SIMC1: variants seen among roughly 807,000 people sequenced by gnomAD.
SIMC1 encodes the protein SUMO-interacting motif-containing protein 1.
A neutral mutation model predicts 82.3 loss-of-function variants in SIMC1; 55 were observed. The ratio of observed to expected loss-of-function variants is 0.67; its 90% CI spans 0.54 to 0.84. The LOEUF is 0.84. SIMC1 is among the 40% of genes least tolerant of loss of function. SIMC1 has a pLI of 0.00. For synonymous variants in SIMC1, 353 were observed against 426.3 expected, an observed-to-expected ratio of 0.83 and a Z score of 2.12; for missense variants, 915 against 1,107.2, an observed-to-expected ratio of 0.83 and a Z score of 2.46.
intron 9 of SIMC1, 134 bp from the exon 10 acceptor site, chr5:176,345,049 C>A: frequency 8.6e-7 from 1 of 1,156,630 alleles, no homozygotes; most frequent in Non-Finnish European, 1.2e-6. Flanking sequence ...TGCAGGCACT[C>A]ACACAGCCTT....
intron 1 of SIMC1, among the ~76,000 whole-genome samples, chr5:176,273,015 G>A (rs566773802): frequency 6.6e-6 from 1 of 152,338 alleles, no homozygotes; most frequent in East Asian, 1.9e-4. Context: ...GCAGGGCATA[G>A]CCGAACAAAA....
At chr5:176,302,770 A>G (rs749656838) in intron 4 of SIMC1, among the ~76,000 whole-genome samples, 2 of 152,236 alleles carry the variant, frequency 1.3e-5, no homozygotes, top group Admixed American at 6.5e-5. Flanking sequence ...CAACAATGAA[A>G]AATCTGAAAA....
chr5:176,251,788 C>G (rs868404067), intron 1 of SIMC1, among the ~76,000 whole-genome samples: 2 of 150,488 alleles, frequency 1.3e-5, no homozygotes, highest in Non-Finnish European at 3.0e-5. Context: ...TGACTCTTAA[C>G]GAGCATGCTG....
chr5:176,274,096 G>A (rs1762572663), intron 1 of SIMC1, among the ~76,000 whole-genome samples: 1 of 148,420 alleles, frequency 6.7e-6, no homozygotes, highest in African/African-American at 2.5e-5. Flanking sequence ...TTCCACAATG[G>A]TTGAACTAGT....
chr5:176,328,429 G>GGTGGCA (rs1344250181), intron 7 of SIMC1, among the ~76,000 whole-genome samples: 43 of 152,034 alleles, frequency 2.8e-4, no homozygotes, highest in Admixed American at 1.1e-3. Context: ...CGGTGGTAAT[G>GGTGGCA]GTGGCAGTGG....
At chr5:176,297,786 C>T (rs1763886653) in intron 4 of SIMC1, among the ~76,000 whole-genome samples, 1 of 152,080 alleles carries the variant, frequency 6.6e-6, no homozygotes, top group African/African-American at 2.4e-5. Flanking sequence ...TCCTCATACC[C>T]TGTTTCTTAG....
intron 1 of SIMC1, among the ~76,000 whole-genome samples, chr5:176,275,326 T>C (rs1762638987): frequency 6.6e-6 from 1 of 151,946 alleles, no homozygotes; most frequent in Admixed American, 6.6e-5. Context: ...TGATTTTGTA[T>C]CCTGAGACTT....
chr5:176,335,930 C>T (rs1765870859), intron 7 of SIMC1, among the ~76,000 whole-genome samples: 1 of 151,954 alleles, frequency 6.6e-6, no homozygotes, highest in South Asian at 2.1e-4. Flanking sequence ...GTAGTTCCAG[C>T]TACTTGGGAG....
At chr5:176,338,975 T>C (rs1377244179) in intron 9 of SIMC1, among the ~76,000 whole-genome samples, 1 of 152,162 alleles carries the variant, frequency 6.6e-6, no homozygotes, top group Non-Finnish European at 1.5e-5. Flanking sequence ...AAGTAATGTG[T>C]TTAATGTTCA....
At chr5:176,245,375 C>A (rs1761402878) in intron 1 of SIMC1, among the ~76,000 whole-genome samples, 2 of 152,142 alleles carry the variant, frequency 1.3e-5, no homozygotes, top group Non-Finnish European at 2.9e-5. Flanking sequence ...ACAGATTCTT[C>A]CCTGGAGCCT....
intron 1 of SIMC1, among the ~76,000 whole-genome samples, chr5:176,271,357 C>G (rs1253712506): frequency 6.6e-6 from 1 of 150,606 alleles, no homozygotes; most frequent in African/African-American, 2.4e-5. Flanking sequence ...AAGGCTCTGT[C>G]TCAAAAAAAA....
intron 9 of SIMC1, among the ~76,000 whole-genome samples, chr5:176,341,700 AAAG>A (rs1366533190): frequency 7.2e-5 from 11 of 152,212 alleles, no homozygotes; most frequent in Admixed American, 6.5e-4. Flanking sequence ...AAAGATCTGC[AAAG>A]AAGATGAAGA....
chr5:176,342,285 A>G (rs144968797), intron 9 of SIMC1, among the ~76,000 whole-genome samples: 25 of 152,308 alleles, frequency 1.6e-4, no homozygotes, highest in African/African-American at 5.8e-4. Context: ...CTCTAAGTCT[A>G]TAGATACCCT....
intron 9 of SIMC1, among the ~76,000 whole-genome samples, chr5:176,342,715 C>T (rs529788799): frequency 1.3e-5 from 2 of 152,326 alleles, no homozygotes; most frequent in African/African-American, 2.4e-5. Flanking sequence ...CCTCCTCATC[C>T]GTCAATACTC....
chr5:176,337,860 A>G (rs905034246), intron 9 of SIMC1, among the ~76,000 whole-genome samples: 2 of 152,238 alleles, frequency 1.3e-5, no homozygotes, highest in Non-Finnish European at 2.9e-5. Flanking sequence ...AGGTGAAGCC[A>G]GTGACCAATG....
At chr5:176,241,609 C>A (rs1049431633) in intron 1 of SIMC1, among the ~76,000 whole-genome samples, 1 of 151,944 alleles carries the variant, frequency 6.6e-6, no homozygotes, top group Non-Finnish European at 1.5e-5. Context: ...CTAACCCCCC[C>A]GTGCAGTTGA....
Position 176,336,851 on chromosome 5 carries a change from A to G in SIMC1, c.2303A>G (p.Asn768Ser), listed in dbSNP as rs777609618. The G allele has an allele frequency of 1.2e-6, 2 of 1,613,952 alleles. No individual in the cohort carries two copies. Among genetic ancestry groups the G allele is most frequent in the East Asian group, 4.5e-5 (2 of 44,882 alleles). Residue 768 changes from asparagine (N) to serine (S), a missense_variant, in exon 8 of 10, where the codon AAT becomes AGT. Asn to Ser is a conservative substitution (Grantham distance 46). This residue lies in a region of SIMC1 where 902 missense variants were observed against 1,040.3 expected (regional missense o/e 0.87). Coordinates refer to ENST00000429602, the MANE Select transcript of SIMC1 (RefSeq NM_001308195.2). ...GCCCAGGCCCTCTACTTTCTGAATA[A>G]TTCTACGTCACTGCTCAAGTGTCAG... ...SLAQALYFLN[N>S]STSLLKCQSD...
chr5:176,320,331 T>TTTTATTTA (rs71299779), intron 5 of SIMC1, among the ~76,000 whole-genome samples: 123 of 140,372 alleles, frequency 8.8e-4, no homozygotes, highest in Middle Eastern at 3.5e-3. Flanking sequence ...AGCCATCCTA[T>TTTTATTTA]TTTATTTATT....
intron 1 of SIMC1, among the ~76,000 whole-genome samples, chr5:176,284,573 G>A (rs916036031): frequency 1.3e-5 from 2 of 152,188 alleles, no homozygotes; most frequent in African/African-American, 4.8e-5. Context: ...GAGAAAGCAG[G>A]AAAGATCTAA....
Sources: gnomAD v4.1 joint callset for allele counts (sites outside exome capture counted in the v4.1 genomes callset) on GRCh38, gnomAD v4.1.1 for gene constraint, gnomAD v4.1.1 regional missense constraint, MANE v1.5 for transcripts, NCBI Gene and HGNC (gene_info 2026-07-23, HGNC 2026-07-21) for gene names.